ITPR1: variants seen among roughly 807,000 people sequenced by gnomAD.
ITPR1 encodes inositol 1,4,5-trisphosphate receptor type 1, also known as inositol 1,4,5-trisphosphate-gated calcium channel ITPR1.
A neutral mutation model predicts 318.4 loss-of-function variants in ITPR1; 96 were observed. The observed-to-expected ratio is 0.30, with a 90% CI of 0.26 to 0.36. ITPR1 has a LOEUF of 0.36. Among genes scored for constraint, ITPR1 ranks in the 10% least tolerant of loss-of-function variants. ITPR1 has a pLI of 1.00. For missense variants in ITPR1, 2,440 were observed against 3,460.2 expected (o/e 0.71, Z 7.40); for synonymous variants, 1,312 against 1,289.9 (o/e 1.02, Z -0.37).
rs989258390 is a variant in ITPR1 at position 4,781,418 on chromosome 3, C to T, written c.6388-1201C>T. 4.6e-5 allele frequency among the ~76,000 whole-genome samples: 7 copies of T among 152,108 alleles called. No homozygotes were observed. In the East Asian group the frequency reaches 7.7e-4, roughly 17 times the overall value. ...ACACCCTACATTGTCCTGGGCATTGCGGAGGGTCTTAGGGGAAGGATTCAG... is the reference window on the plus strand; with the variant it reads ...ACACCCTACATTGTCCTGGGCATTGTGGAGGGTCTTAGGGGAAGGATTCAG... On this transcript the variant is annotated intron_variant, in intron 49 of 61. Transcript: ENST00000649015.
chr3:4,680,549 T>G lies in ITPR1; in HGVS notation c.2968-4T>G. 6.2e-7 allele frequency: 1 copy of G among 1,612,608 alleles called. No individual in the cohort carries two copies. The highest frequency in any genetic ancestry group is 8.5e-7 in the Non-Finnish European group (1 of 1,178,766). On this transcript the variant is annotated splice_region_variant and splice_polypyrimidine_tract_variant and intron_variant, in intron 24 of 61. Transcript: ENST00000649015. ...TCTGTTTCCATTTCCACTTGAATCTTTAGTTTATTTTGAATGTGAGGTTGG... is the reference window on the plus strand; with the variant it reads ...TCTGTTTCCATTTCCACTTGAATCTGTAGTTTATTTTGAATGTGAGGTTGG...
intron 18 of ITPR1, 34 bp from the exon 19 acceptor site, chr3:4,669,620 C>G (rs1227712510): frequency 2.0e-5 from 31 of 1,583,282 alleles, no homozygotes; most frequent in Non-Finnish European, 2.7e-5. Context: ...TCTGCTCTAT[C>G]TACAGAAAAT....
chr3:4,844,445 A>T (rs998625060), intron 61 of ITPR1, among the ~76,000 whole-genome samples: 4 of 152,184 alleles, frequency 2.6e-5, no homozygotes, highest in African/African-American at 9.7e-5. Context: ...AGATTTCTAA[A>T]TCAATTTGAA....
chr3:4,691,601 G>T (rs1052615713), intron 32 of ITPR1, among the ~76,000 whole-genome samples: 1 of 152,196 alleles, frequency 6.6e-6, no homozygotes, highest in African/African-American at 2.4e-5. Flanking sequence ...ACAGAAAGAG[G>T]AATAAGGAAC....
At position 4,680,681 on chromosome 3, in the gene ITPR1, T is replaced by G; in HGVS notation, c.3096T>G (p.Ser1032Arg). ...GAAACAGCAGCCAAGAAGGGCCAAG[T>G]AATGTACCAGGTTAGTGATTCAGAA... is the stretch of plus-strand genomic sequence containing the variant. ...SSGNSSQEGPSNVPGALDFEH... is the reference protein window; with the variant it reads ...SSGNSSQEGPRNVPGALDFEH... Residue 1032 changes from serine to arginine, a missense_variant, in exon 25 of 62, where the codon AGT (serine) becomes AGG (arginine). Ser to Arg is a moderately radical substitution (Grantham distance 110). Around this residue, in one of 23 missense-constraint regions of ITPR1, gnomAD observed 57 missense variants for 46.2 expected, o/e 1.23. Transcript: ENST00000649015. 6.2e-7 allele frequency: 1 copy of G among 1,611,362 alleles called. No homozygotes were observed. Among genetic ancestry groups the G allele is most frequent in the Non-Finnish European group, 8.5e-7 (1 of 1,178,554 alleles).
chr3:4,580,416 G>T (rs1285196671), intron 4 of ITPR1, among the ~76,000 whole-genome samples: 1 of 152,146 alleles, frequency 6.6e-6, no homozygotes, highest in African/African-American at 2.4e-5. Flanking sequence ...CTCTCAAAGT[G>T]GGGGCAGGAC....
intron 50 of ITPR1, 103 bp from the exon 51 acceptor site, chr3:4,783,713 G>A: frequency 2.1e-6 from 2 of 959,706 alleles, no homozygotes; most frequent in African/African-American, 3.2e-5. Context: ...TTGGCTTGCT[G>A]CTGGTTATTA....
chr3:4,702,959 C>T lies in ITPR1; in HGVS notation c.4657+9C>T, dbSNP rs757529314. On this transcript the variant is annotated intron_variant, in intron 36 of 61. Coordinates refer to ENST00000649015, the MANE Select transcript of ITPR1 (RefSeq NM_001378452.1). ...GGTGCTGTCTGATGTAGGTAAGATA[C>T]CAAGTCAGTTTGGATATACGTGATG... 2.5e-6 allele frequency: 4 copies of T among 1,612,970 alleles called. No homozygotes were observed. The highest frequency in any genetic ancestry group is 1.7e-5 in the Admixed American group (1 of 59,974).
At chr3:4,697,361 T>C in intron 34 of ITPR1, 89 bp downstream of exon 34, 2 of 1,041,886 alleles carry the variant, frequency 1.9e-6, no homozygotes, top group Non-Finnish European at 2.6e-6. Flanking sequence ...TGTAGCATCT[T>C]TGTGCACACA....
intron 20 of ITPR1, among the ~76,000 whole-genome samples, chr3:4,672,421 AGAAATAC>A (rs2094106919): frequency 6.6e-6 from 1 of 152,258 alleles, no homozygotes; most frequent in African/African-American, 2.4e-5. Context: ...CATGATTATT[AGAAATAC>A]ATAGAGTTTT....
intron 5 of ITPR1, among the ~76,000 whole-genome samples, chr3:4,639,163 A>G (rs2093276734): frequency 6.6e-6 from 1 of 152,176 alleles, no homozygotes; most frequent in African/African-American, 2.4e-5. Context: ...AGAAAGAAAA[A>G]AAAGCATTTT....
intron 26 of ITPR1, among the ~76,000 whole-genome samples, chr3:4,681,638 T>TGTGTGC: frequency 6.6e-6 from 1 of 151,586 alleles, no homozygotes; most frequent in South Asian, 2.1e-4. Flanking sequence ...TGTGTGTGTG[T>TGTGTGC]GTGTGTGTGT....
At chr3:4,583,317 A>G (rs1203130979) in intron 4 of ITPR1, among the ~76,000 whole-genome samples, 3 of 152,198 alleles carry the variant, frequency 2.0e-5, no homozygotes, top group Admixed American at 6.5e-5. Flanking sequence ...GACTTGGGAA[A>G]AAAAAGTTAG....
chr3:4,719,391 G>A (rs1284913890), intron 40 of ITPR1, among the ~76,000 whole-genome samples: 1 of 152,184 alleles, frequency 6.6e-6, no homozygotes, highest in Admixed American at 6.5e-5. Flanking sequence ...TGCCGTTCTG[G>A]AAGCTACCAC....
chr3:4,774,644 C>T (rs996115023), intron 46 of ITPR1, among the ~76,000 whole-genome samples: 2 of 152,206 alleles, frequency 1.3e-5, no homozygotes, highest in African/African-American at 4.8e-5. Context: ...ATTTAGAACT[C>T]ACCTGGAGAA....
chr3:4,570,729 T>A (rs932702452), intron 4 of ITPR1, among the ~76,000 whole-genome samples: 1 of 152,210 alleles, frequency 6.6e-6, no homozygotes, highest in Non-Finnish European at 1.5e-5. Context: ...TTACTTACCG[T>A]CCATATTTGG....
intron 37 of ITPR1, among the ~76,000 whole-genome samples, chr3:4,707,120 C>T (rs1481261671): frequency 2.6e-5 from 4 of 152,196 alleles, no homozygotes; most frequent in Non-Finnish European, 1.5e-5. Flanking sequence ...CTTCAGATTC[C>T]TAGTCTGTAA....
At position 4,693,672 on chromosome 3, in the gene ITPR1, C is replaced by G; in HGVS notation, c.4212C>G (p.Ile1404Met). 6.2e-7 allele frequency: 1 copy of G among 1,614,056 alleles called. No individual in the cohort carries two copies. ...AGGGTAAGAATGTCTACACAGAGAT[C>G]AAGTGCAACTCCCTGCTCCCGCTGG... ...CTEGKNVYTE[I>M]KCNSLLPLDD... is the part of the protein sequence containing the mutation. The change falls in exon 33 of 62, where the codon ATC (isoleucine) becomes ATG (methionine). Residue 1404 changes from isoleucine to methionine, a missense_variant. Coordinates refer to ENST00000649015, the MANE Select transcript of ITPR1 (RefSeq NM_001378452.1).
Position 4,649,410 on chromosome 3 carries a change from A to G in ITPR1, c.856-2713A>G, listed in dbSNP as rs77826702. 3.2e-3 allele frequency among the ~76,000 whole-genome samples: 484 copies of G among 152,302 alleles called. 1 individual carries two copies. Among genetic ancestry groups the G allele is most frequent in the African/African-American group, 0.011 (466 of 41,570 alleles). On this transcript the variant is annotated intron_variant, in intron 10 of 61. Coordinates refer to ENST00000649015, the MANE Select transcript of ITPR1 (RefSeq NM_001378452.1). Reference sequence around the variant, plus strand: ...GAGGGAAGACAACACCATGTATTTTATATTTGTAGTAATGAGCCAGGGTTT... The same window carrying G: ...GAGGGAAGACAACACCATGTATTTTGTATTTGTAGTAATGAGCCAGGGTTT...
Sources: gnomAD v4.1 joint callset for allele counts (sites outside exome capture counted in the v4.1 genomes callset) on GRCh38, gnomAD v4.1.1 for gene constraint, gnomAD v4.1.1 regional missense constraint, MANE v1.5 for transcripts, NCBI Gene and HGNC (gene_info 2026-07-23, HGNC 2026-07-21) for gene names.